Variants in ACYP2 observed in about 807,000 individuals in gnomAD.
ACYP2 encodes acylphosphatase 2, also known as acylphosphatase-2.
A neutral mutation model predicts 11.2 loss-of-function variants in ACYP2; 12 were observed. The observed-to-expected ratio is 1.08, with a 90% CI of 0.69 to 1.74. The LOEUF (loss-of-function observed/expected upper bound fraction) is 1.74. ACYP2 is among the 40% of genes most tolerant of loss of function. ACYP2 has a pLI of 0.00. For synonymous variants in ACYP2, 43 were observed against 32.2 expected (o/e 1.33, Z -1.13); for missense variants, 134 against 101.9 (o/e 1.31, Z -1.35).
At chr2:54,171,208 G>GCCTT (rs1683208207) in intron 6 of ACYP2, among the ~76,000 whole-genome samples, 1 of 152,104 alleles carries the variant, frequency 6.6e-6, no homozygotes. Context: ...GTTCACGCTG[G>GCCTT]CCTTCCTTCG....
chr2:54,082,322 T>G (rs1487340382), intron 4 of ACYP2, among the ~76,000 whole-genome samples: 2 of 151,802 alleles, frequency 1.3e-5, no homozygotes, highest in African/African-American at 4.8e-5. Context: ...CTCGGCTCAC[T>G]GCAACCTCTG....
chr2:54,150,163 G>T (rs768183939), intron 6 of ACYP2, among the ~76,000 whole-genome samples: 2 of 152,210 alleles, frequency 1.3e-5, no homozygotes, highest in Non-Finnish European at 2.9e-5. Flanking sequence ...TTGGAGCACA[G>T]CCACACCCAT....
chr2:54,039,112 G>A (rs1675079249), intron 2 of ACYP2, among the ~76,000 whole-genome samples: 1 of 151,974 alleles, frequency 6.6e-6, no homozygotes, highest in African/African-American at 2.4e-5. Flanking sequence ...AGGGAAGTGG[G>A]AAAGAAGTAG....
intron 6 of ACYP2, among the ~76,000 whole-genome samples, chr2:54,181,047 A>C (rs1383823756): frequency 6.6e-6 from 1 of 152,218 alleles, no homozygotes; most frequent in East Asian, 1.9e-4. Context: ...ACCTTGTTTT[A>C]GTATTACAAA....
At chr2:53,991,478 TCA>T (rs1449533255) in intron 2 of ACYP2, among the ~76,000 whole-genome samples, 3 of 151,858 alleles carry the variant, frequency 2.0e-5, no homozygotes, top group African/African-American at 7.3e-5. Flanking sequence ...CGATCTTGGC[TCA>T]CTGCAACCTC....
intron 6 of ACYP2, among the ~76,000 whole-genome samples, chr2:54,153,110 G>A (rs868047112): frequency 3.9e-5 from 6 of 152,034 alleles, no homozygotes; most frequent in East Asian, 1.9e-4. Flanking sequence ...TTCAGGTCTT[G>A]TGTTTAAGTC....
intron 6 of ACYP2, among the ~76,000 whole-genome samples, chr2:54,151,757 C>A (rs2103811103): frequency 6.6e-6 from 1 of 152,202 alleles, no homozygotes; most frequent in African/African-American, 2.4e-5. Context: ...ATAGTTTTTA[C>A]TTTAAAGTTC....
intron 6 of ACYP2, among the ~76,000 whole-genome samples, chr2:54,303,720 C>G (rs1357381171): frequency 6.6e-6 from 1 of 152,220 alleles, no homozygotes; most frequent in Admixed American, 6.5e-5. Flanking sequence ...AAGATTGTCA[C>G]ATATCATACT....
At chr2:54,207,783 T>A (rs1167813056) in intron 6 of ACYP2, among the ~76,000 whole-genome samples, 1 of 152,200 alleles carries the variant, frequency 6.6e-6, no homozygotes, top group Non-Finnish European at 1.5e-5. Context: ...TCAGTTTGGA[T>A]TTTTTCCAGA....
chr2:54,162,813 A>G (rs370546530), intron 6 of ACYP2, among the ~76,000 whole-genome samples: 26 of 152,068 alleles, frequency 1.7e-4, no homozygotes, highest in African/African-American at 5.8e-4. Context: ...CAACAACAAA[A>G]ACAACAACAA....
intron 6 of ACYP2, among the ~76,000 whole-genome samples, chr2:54,244,637 C>T (rs1351544554): frequency 6.6e-6 from 1 of 152,184 alleles, no homozygotes; most frequent in Non-Finnish European, 1.5e-5. Flanking sequence ...AATACACCTT[C>T]AACTATTGTA....
chr2:54,274,185 G>A (rs1462031541), intron 6 of ACYP2, among the ~76,000 whole-genome samples: 2 of 152,182 alleles, frequency 1.3e-5, no homozygotes, highest in Non-Finnish European at 2.9e-5. Context: ...ATGGATGGCA[G>A]CAGGCAAGAA....
rs1677277425 is a variant in ACYP2, at chr2:54,075,408, A to C, written c.277+18048A>C. Among the ~76,000 whole-genome samples the C allele has an allele frequency of 1.3e-5, 2 of 151,974 alleles. 1 individual carries two copies. The highest frequency in any genetic ancestry group is 4.1e-4 in the South Asian group (2 of 4,824). Reference sequence around the variant, plus strand: ...CAGCTACTTGGGAGGCTAAGGCATGAGAATTGCTTGAACCCAGGAAGTGGA... The same window carrying C: ...CAGCTACTTGGGAGGCTAAGGCATGCGAATTGCTTGAACCCAGGAAGTGGA... On this transcript the variant is annotated intron_variant, in intron 4 of 6. Transcript: ENST00000607452.
chr2:54,235,424 C>A (rs1212687357), intron 6 of ACYP2, among the ~76,000 whole-genome samples: 1 of 152,180 alleles, frequency 6.6e-6, no homozygotes, highest in Admixed American at 6.5e-5. Context: ...TCTCGGCTCA[C>A]TGCAAGCTCC....
intron 2 of ACYP2, among the ~76,000 whole-genome samples, chr2:53,982,798 AC>A (rs1671833482): frequency 6.7e-6 from 1 of 148,350 alleles, no homozygotes; most frequent in Non-Finnish European, 1.5e-5. Flanking sequence ...GATTTTCACA[AC>A]TTCCATACAA....
At chr2:54,216,700 G>T (rs1685574488) in intron 6 of ACYP2, among the ~76,000 whole-genome samples, 1 of 152,060 alleles carries the variant, frequency 6.6e-6, no homozygotes. Context: ...ACCACACCTG[G>T]CTAATTTTTG....
At chr2:54,213,453 C>T (rs1223175042) in intron 6 of ACYP2, among the ~76,000 whole-genome samples, 1 of 152,074 alleles carries the variant, frequency 6.6e-6, no homozygotes, top group East Asian at 1.9e-4. Context: ...TGGGTATAGA[C>T]CCAGTAATGA....
chr2:54,078,304 A>G (rs1486660213), intron 4 of ACYP2, among the ~76,000 whole-genome samples: 1 of 151,776 alleles, frequency 6.6e-6, no homozygotes, highest in Non-Finnish European at 1.5e-5. Context: ...TGCTAGGAAG[A>G]TGCTAGGACA....
At chr2:54,231,509 A>T (rs1686236671) in intron 6 of ACYP2, among the ~76,000 whole-genome samples, 2 of 152,228 alleles carry the variant, frequency 1.3e-5, no homozygotes, top group African/African-American at 4.8e-5. Context: ...GCACGGGCTC[A>T]GGTTGGGACC....
Sources: gnomAD v4.1 joint callset for allele counts (sites outside exome capture counted in the v4.1 genomes callset) on GRCh38, gnomAD v4.1.1 for gene constraint, MANE v1.5 for transcripts, NCBI Gene and HGNC (gene_info 2026-07-23, HGNC 2026-07-21) for gene names.